Variants in DBF4 observed in about 807,000 individuals in gnomAD.
DBF4 encodes protein DBF4 homolog A.
DBF4 carries 25 observed loss-of-function variants against 76.6 expected under a neutral mutation model. The ratio of observed to expected loss-of-function variants is 0.33; its 90% CI spans 0.24 to 0.46. DBF4 has a LOEUF of 0.46. Ranked by LOEUF, DBF4 falls within the 20% of genes least tolerant of loss-of-function variation. The probability of loss-of-function intolerance (pLI) is 1.00; values close to 1 mark genes in which losing one functional copy is unlikely to be tolerated. For missense variants in DBF4, 638 were observed against 760.8 expected (o/e 0.84, Z 1.90); for synonymous variants, 213 against 258.0 (o/e 0.83, Z 1.67).
At chr7:87,887,045 CT>C (rs1332913375) in intron 4 of DBF4, 151 bp downstream of exon 4, 8 of 618,476 alleles carry the variant, frequency 1.3e-5, no homozygotes, top group Non-Finnish European at 2.2e-5. Context: ...AAAGAACTTA[CT>C]TTTCATGTAG....
At chr7:87,888,121 A>C in intron 6 of DBF4, 62 bp downstream of exon 6, 1 of 1,491,676 alleles carries the variant, frequency 6.7e-7, no homozygotes, top group Non-Finnish European at 8.9e-7. Context: ...ACGTATTTGC[A>C]AAGTTTTCCT....
intron 10 of DBF4, among the ~76,000 whole-genome samples, chr7:87,903,197 C>T (rs1839832025): frequency 6.6e-6 from 1 of 152,234 alleles, no homozygotes; most frequent in South Asian, 2.1e-4. Context: ...ATTCTACTGC[C>T]TCAGCCTCTC....
At position 87,876,702 on chromosome 7, in the gene DBF4, G is replaced by C; in HGVS notation, c.-31G>C. Reference sequence around the variant, plus strand: ...GGCTGCCCGGTGCGACACTTTCTCCGGACCCAGCATGTAGGTGCCGGGCGA... The same window carrying C: ...GGCTGCCCGGTGCGACACTTTCTCCCGACCCAGCATGTAGGTGCCGGGCGA... On this transcript the variant is annotated 5_prime_UTR_variant, in exon 1 of 12. Transcript: ENST00000265728. The C allele has an allele frequency of 6.2e-7, 1 of 1,613,394 alleles. No homozygotes were observed. Among genetic ancestry groups the C allele is most frequent in the Non-Finnish European group, 8.5e-7 (1 of 1,179,890 alleles).
intron 3 of DBF4, 48 bp from the exon 4 acceptor site, chr7:87,886,796 G>A (rs199954232): frequency 7.0e-6 from 8 of 1,141,916 alleles, no homozygotes; most frequent in Non-Finnish European, 1.0e-5. Flanking sequence ...TTTTTAACCT[G>A]TTCTCCAGTT....
At chr7:87,899,414 C>A (rs886088801) in intron 8 of DBF4, among the ~76,000 whole-genome samples, 14 of 151,910 alleles carry the variant, frequency 9.2e-5, no homozygotes, top group African/African-American at 2.9e-4. Context: ...TACAAGTCAA[C>A]AACAAAACAA....
intron 6 of DBF4, among the ~76,000 whole-genome samples, chr7:87,893,943 GTTGTT>G (rs1562762158): frequency 6.6e-6 from 1 of 151,732 alleles, no homozygotes; most frequent in African/African-American, 2.4e-5. Flanking sequence ...CTTCATTTTT[GTTGTT>G]TTATTTTAGT....
In DBF4 at chr7:87,907,346, A is replaced by G; in HGVS notation, c.1208A>G (p.Gln403Arg). Residue 403 changes from glutamine (Q) to arginine (R), a missense_variant, in exon 12 of 12, where the codon CAG becomes CGG. Transcript: ENST00000265728. ...KEQNFLYKET[Q>R]ETEKKLLFIS... ...CAGAATTTCCTGTATAAAGAGACCC[A>G]GGAAACTGAAAAAAAGCTCCTGTTT... is the stretch of plus-strand genomic sequence containing the variant. 6.2e-7 allele frequency: 1 copy of G among 1,614,012 alleles called. No individual in the cohort carries two copies. The highest frequency in any genetic ancestry group is 1.3e-5 in the African/African-American group (1 of 75,040).
intron 2 of DBF4, among the ~76,000 whole-genome samples, chr7:87,878,865 C>CTTTGACTTGA (rs1839136857): frequency 6.6e-6 from 1 of 152,188 alleles, no homozygotes; most frequent in Non-Finnish European, 1.5e-5. Flanking sequence ...TCATGCTGGA[C>CTTTGACTTGA]TTTGACTTTC....
chr7:87,881,383 G>A (rs1839210629), intron 2 of DBF4, among the ~76,000 whole-genome samples: 1 of 152,154 alleles, frequency 6.6e-6, no homozygotes, highest in Admixed American at 6.5e-5. Context: ...ACTCCACCTG[G>A]GCAACAGAGC....
rs748077099 is a variant in DBF4 at position 87,907,341 on chromosome 7, G to A, written c.1203G>A (p.Glu401=). 2 of 1,613,786 alleles carry A rather than the reference G, an allele frequency of 1.2e-6. No individual in the cohort carries two copies. The highest frequency in any genetic ancestry group is 2.7e-5 in the African/African-American group (2 of 74,850). The change falls in exon 12 of 12, where the codon GAG becomes GAA. Residue 401 remains glutamate, a synonymous_variant. Transcript: ENST00000265728. ...TVKEQNFLYK[E]TQETEKKLLF... is the part of the protein sequence containing the mutation. ...AGGAGCAGAATTTCCTGTATAAAGA[G>A]ACCCAGGAAACTGAAAAAAAGCTCC...
chr7:87,886,892 C>G lies in DBF4; in HGVS notation c.448C>G (p.His150Asp), dbSNP rs1839368328. ...KLLVEKAIKD[H>D]DFIPSNSILS... ...ATTAGTTGAAAAAGCTATCAAGGAC[C>G]ATGTAAGTAGGAACTATAAAGATTC... Residue 150 changes from histidine to aspartate, a missense_variant and splice_region_variant, in exon 4 of 12, where the codon CAT becomes GAT. His to Asp is a moderately conservative substitution (Grantham distance 81, BLOSUM62 -1). Transcript: ENST00000265728. The G allele has an allele frequency of 6.5e-7, 1 of 1,549,482 alleles. No homozygotes were observed. Among genetic ancestry groups the G allele is most frequent in the Non-Finnish European group, 8.8e-7 (1 of 1,132,162 alleles).
intron 2 of DBF4, among the ~76,000 whole-genome samples, chr7:87,882,556 A>G (rs1839242916): frequency 1.3e-5 from 2 of 152,202 alleles, no homozygotes; most frequent in African/African-American, 4.8e-5. Context: ...ATCTTTGCAA[A>G]TTGTACATCT....
At chr7:87,889,975 C>A (rs1258685336) in intron 6 of DBF4, among the ~76,000 whole-genome samples, 1 of 152,194 alleles carries the variant, frequency 6.6e-6, no homozygotes, top group Non-Finnish European at 1.5e-5. Flanking sequence ...GCCTCTACCA[C>A]ACTTAGCAGA....
chr7:87,884,186 G>C (rs929596622), intron 2 of DBF4, among the ~76,000 whole-genome samples: 1 of 152,166 alleles, frequency 6.6e-6, no homozygotes, highest in South Asian at 2.1e-4. Flanking sequence ...GTAACCATTA[G>C]TGATATGTGG....
chr7:87,883,617 A>T (rs1356687183), intron 2 of DBF4, among the ~76,000 whole-genome samples: 1 of 152,194 alleles, frequency 6.6e-6, no homozygotes, highest in Admixed American at 6.5e-5. Flanking sequence ...TACATTATTT[A>T]CTGTTCAATG....
chr7:87,908,209 T>C lies in DBF4; in HGVS notation c.*46T>C, dbSNP rs1337019094. On this transcript the variant is annotated 3_prime_UTR_variant, in exon 12 of 12. Transcript: ENST00000265728. ...TTCAGAAGTGATAAGGATCATATTC[T>C]TGAAATTTTTATAAATATGTATGGA... 8 of 1,387,240 alleles carry C rather than the reference T, an allele frequency of 5.8e-6. No homozygotes were observed. Among genetic ancestry groups the C allele is most frequent in the Non-Finnish European group, 7.5e-6 (8 of 1,062,438 alleles). The allele number at this position is 1,387,240 out of a possible 1,614,324, so 85.9% of individuals were successfully genotyped here. A position where few individuals can be genotyped will look rare whatever the true frequency, so the allele number is the denominator to read the frequency against.
chr7:87,905,263 T>G (rs979327101), intron 11 of DBF4, among the ~76,000 whole-genome samples: 1 of 152,248 alleles, frequency 6.6e-6, no homozygotes, highest in Non-Finnish European at 1.5e-5. Context: ...TGGATATGAC[T>G]GTATTTTGAC....
rs1054915649 is a variant in DBF4, at chr7:87,876,919, C to A, written c.46+141C>A. On this transcript the variant is annotated intron_variant, in intron 1 of 11. Transcript: ENST00000265728. ...CCTCTGGGGTCTGAAGGAAGGAGCCCCCGTTCAGTGTTTTGCCTAAGAAGG... is the reference window on the plus strand; with the variant it reads ...CCTCTGGGGTCTGAAGGAAGGAGCCACCGTTCAGTGTTTTGCCTAAGAAGG... 17 of 892,690 alleles carry A rather than the reference C, an allele frequency of 1.9e-5. No individual in the cohort carries two copies. The African/African-American group carries it at 2.2e-4, about 11-fold the overall frequency. The allele number at this position is 892,690 out of a possible 1,614,324, so 55.3% of individuals were successfully genotyped here.
chr7:87,904,243 C>T (rs756833392), intron 10 of DBF4, 49 bp from the exon 11 acceptor site: 3 of 1,547,520 alleles, frequency 1.9e-6, no homozygotes, highest in Admixed American at 4.3e-5. Context: ...AAAGGCATCT[C>T]TTGATTTTAA....
Sources: allele counts gnomAD v4.1 joint callset (sites outside exome capture counted in the v4.1 genomes callset), GRCh38; gene constraint gnomAD v4.1.1; transcripts MANE v1.5; gene names NCBI Gene and HGNC (gene_info 2026-07-23, HGNC 2026-07-21).